RBFOX1: variants seen among roughly 807,000 people sequenced by gnomAD.
RBFOX1 encodes RNA binding fox-1 homolog 1, also known as RNA binding protein fox-1 homolog 1.
Under a neutral mutation model 57.7 loss-of-function variants are expected in RBFOX1, and 8 were observed. That is an observed-to-expected ratio of 0.14 (90% CI 0.08 to 0.25). The LOEUF is 0.25. Ranked by LOEUF, RBFOX1 falls within the 10% of genes least tolerant of loss-of-function variation. The pLI, the probability that RBFOX1 is intolerant of heterozygous loss-of-function variation, is 1.00. For synonymous variants in RBFOX1, 326 were observed against 222.4 expected, an observed-to-expected ratio of 1.47 and a Z score of -4.15; for missense variants, 611 against 548.5, an observed-to-expected ratio of 1.11 and a Z score of -1.14.
intron 5 of RBFOX1, among the ~76,000 whole-genome samples, chr16:7,536,629 C>T (rs1446809718): frequency 1.3e-5 from 2 of 152,066 alleles, no homozygotes; most frequent in East Asian, 3.9e-4. Context: ...AAAAGAAAGA[C>T]ATGCAGAGAA....
Position 5,454,952 on chromosome 16 carries a change from TTC to T in RBFOX1, c.220-12263_220-12262del, listed in dbSNP as rs1567535850. Among the ~76,000 whole-genome samples, 448 of 61,326 alleles carry T rather than the reference TTC, an allele frequency of 7.3e-3. 3 individuals carry two copies. Among genetic ancestry groups the T allele is most frequent in the Middle Eastern group, 0.035 (5 of 144 alleles). 40.2% of individuals were successfully genotyped at this position (61,326 alleles called of 152,430 possible). A position where few individuals can be genotyped will look rare whatever the true frequency, so the allele number is the denominator to read the frequency against. On this transcript the variant is annotated intron_variant, in intron 1 of 2. Coordinates refer to the RBFOX1 transcript ENST00000585867. ...CTTCCTTCCTTCCTTCCTTCCTTCC[TTC>T]CTTCCTTTCTTTCTTTCTTTCTTTC...
chr16:6,885,261 C>T (rs754550861), intron 3 of RBFOX1, among the ~76,000 whole-genome samples: 1 of 152,180 alleles, frequency 6.6e-6, no homozygotes, highest in Non-Finnish European at 1.5e-5. Flanking sequence ...GCGTCAGCAT[C>T]ACCTGGAAAC....
intron 2 of RBFOX1, among the ~76,000 whole-genome samples, chr16:6,572,675 C>G (rs1454664045): frequency 1.3e-5 from 2 of 152,072 alleles, no homozygotes; most frequent in Non-Finnish European, 2.9e-5. Flanking sequence ...TCACCGCAAC[C>G]TCTGCCTCCC....
At chr16:7,045,320 A>G (rs1360433478) in intron 3 of RBFOX1, among the ~76,000 whole-genome samples, 1 of 152,226 alleles carries the variant, frequency 6.6e-6, no homozygotes, top group African/African-American at 2.4e-5. Context: ...ATATAAGCAA[A>G]ATAATATGGG....
intron 1 of RBFOX1, among the ~76,000 whole-genome samples, chr16:6,082,326 G>A (rs1364758322): frequency 7.5e-6 from 1 of 133,094 alleles, no homozygotes; most frequent in Non-Finnish European, 1.6e-5. Context: ...GATTACATGT[G>A]CCTGTCACCA....
rs934519664 is a variant in RBFOX1 at position 6,480,314 on chromosome 16, CAG to C, written c.-64+163262_-64+163263del. On this transcript the variant is annotated intron_variant, in intron 2 of 15. Transcript: ENST00000550418. ...TACATGTTATATGCATGTAAAGGGC[CAG>C]AGAGTAAACATTTTAGACTTCCTGG... 2.6e-4 allele frequency among the ~76,000 whole-genome samples: 39 copies of C among 152,086 alleles called. 1 individual carries two copies. Among genetic ancestry groups the C allele is most frequent in the Non-Finnish European group, 4.4e-5 (3 of 68,046 alleles).
intron 4 of RBFOX1, among the ~76,000 whole-genome samples, chr16:5,952,803 A>G (rs1321642220): frequency 6.6e-6 from 1 of 152,140 alleles, no homozygotes; most frequent in African/African-American, 2.4e-5. Context: ...TCTCCAGGAC[A>G]AGGCCTCCCA....
At chr16:6,747,398 C>G (rs973637237) in intron 3 of RBFOX1, among the ~76,000 whole-genome samples, 3 of 147,314 alleles carry the variant, frequency 2.0e-5, no homozygotes, top group African/African-American at 7.6e-5. Context: ...CAGAGTGAGA[C>G]TCAGTCTCAA....
At chr16:7,242,366 G>A (rs1390906967) in intron 4 of RBFOX1, among the ~76,000 whole-genome samples, 1 of 152,182 alleles carries the variant, frequency 6.6e-6, no homozygotes, top group Non-Finnish European at 1.5e-5. Context: ...CAGACAGGTT[G>A]TGCCACATGA....
At chr16:5,300,823 A>G (rs1045241523) in intron 1 of RBFOX1, among the ~76,000 whole-genome samples, 5 of 152,168 alleles carry the variant, frequency 3.3e-5, no homozygotes, top group East Asian at 1.9e-4. Flanking sequence ...GAAAAGTAAA[A>G]TGTCGTTCAT....
Position 6,657,946 on chromosome 16 carries a change from C to A in RBFOX1, c.-16+3296C>A, listed in dbSNP as rs374602964. ...TATTTTTTATTTTTCTTTCACCTCC[C>A]CTGGCTTTCTGTCTACTTCGTTTCC... On this transcript the variant is annotated intron_variant, in intron 3 of 15. Coordinates refer to ENST00000550418, the MANE Select transcript of RBFOX1 (RefSeq NM_018723.4). Among the ~76,000 whole-genome samples the A allele has an allele frequency of 9.2e-5, 14 of 152,140 alleles. No homozygotes were observed. The Middle Eastern group carries it at 0.01, about 111-fold the overall frequency.
chr16:5,332,164 C>G (rs2064773807), intron 1 of RBFOX1, among the ~76,000 whole-genome samples: 1 of 152,148 alleles, frequency 6.6e-6, no homozygotes, highest in South Asian at 2.1e-4. Context: ...AAGAAAACCA[C>G]CAAGTGTGGT....
intron 4 of RBFOX1, among the ~76,000 whole-genome samples, chr16:5,944,568 A>G (rs906694858): frequency 1.3e-5 from 2 of 151,872 alleles, no homozygotes; most frequent in Non-Finnish European, 2.9e-5. Flanking sequence ...TGTGTGAGTC[A>G]TGCCTCAGTT....
chr16:5,296,326 T>C (rs2151186918), intron 1 of RBFOX1, among the ~76,000 whole-genome samples: 1 of 152,322 alleles, frequency 6.6e-6, no homozygotes, highest in Admixed American at 6.5e-5. Context: ...TAGGATTCTT[T>C]GCTAGAACAG....
chr16:6,171,986 T>G (rs191762394), intron 1 of RBFOX1, among the ~76,000 whole-genome samples: 8 of 151,882 alleles, frequency 5.3e-5, no homozygotes, highest in Admixed American at 4.6e-4. Context: ...CACGCTTGGG[T>G]AATTTTTTGT....
At chr16:5,403,470 G>C (rs1476884476) in intron 1 of RBFOX1, among the ~76,000 whole-genome samples, 2 of 151,972 alleles carry the variant, frequency 1.3e-5, no homozygotes, top group Non-Finnish European at 2.9e-5. Flanking sequence ...TTGAGACGGA[G>C]TGTCACTGTG....
At position 7,413,054 on chromosome 16, in the gene RBFOX1, A is replaced by C. The variant is rs199834400; in HGVS notation, c.28-105093A>C. Among the ~76,000 whole-genome samples the C allele has an allele frequency of 1.1e-3, 160 of 152,118 alleles. 1 individual carries two copies. In the East Asian group the frequency reaches 0.027, roughly 25 times the overall value. On this transcript the variant is annotated intron_variant, in intron 4 of 15. Transcript: ENST00000550418. The stretch of plus-strand genomic sequence containing the variant: ...GAGACTCCGTCTCAAAACAAAATAA[A>C]AATAAATAAAAATAAAAATAAAATA...
At chr16:6,276,507 A>T (rs2152687660) in intron 1 of RBFOX1, among the ~76,000 whole-genome samples, 1 of 152,090 alleles carries the variant, frequency 6.6e-6, no homozygotes, top group African/African-American at 2.4e-5. Flanking sequence ...CCCAGCGAAT[A>T]TTTTTTGTAT....
At chr16:5,944,964 TAAAAAAAAAA>T (rs386384118) in intron 4 of RBFOX1, among the ~76,000 whole-genome samples, 2 of 48,052 alleles carry the variant, frequency 4.2e-5, no homozygotes, top group Non-Finnish European at 6.8e-5. Flanking sequence ...GACTCTGTCA[TAAAAAAAAAA>T]AAAAAAAAAA....
Sources: gnomAD v4.1 joint callset for allele counts (sites outside exome capture counted in the v4.1 genomes callset) on GRCh38, gnomAD v4.1.1 for gene constraint, MANE v1.5 for transcripts, NCBI Gene and HGNC (gene_info 2026-07-23, HGNC 2026-07-21) for gene names.